Variants in NHLRC2 observed in about 807,000 individuals in gnomAD.
NHLRC2 encodes NHL repeat containing 2.
In NHLRC2, 33 loss-of-function variants were observed where a neutral mutation model predicts 68.1. That is an observed-to-expected ratio of 0.48 (90% CI 0.37 to 0.65). The LOEUF (loss-of-function observed/expected upper bound fraction) is 0.65. Among genes scored for constraint, NHLRC2 ranks in the 30% least tolerant of loss-of-function variants. The pLI is 0.00. For synonymous variants in NHLRC2, 311 were observed against 309.6 expected (o/e 1.00, Z -0.05); for missense variants, 761 against 853.8 (o/e 0.89, Z 1.35).
Position 113,912,892 on chromosome 10 carries a change from C to T in NHLRC2, c.*4356C>T, listed in dbSNP as rs1363183955. On this transcript the variant is annotated 3_prime_UTR_variant, in exon 11 of 11. Transcript: ENST00000369301. The stretch of plus-strand genomic sequence containing the variant: ...TATTCAGGCACGGGTCTCCTCATTC[C>T]TAACTCCAAGATGCAGAGGGAAAAC... The T allele has an allele frequency of 6.6e-6, 1 of 152,164 alleles. No homozygotes were observed. Among genetic ancestry groups the T allele is most frequent in the East Asian group, 1.9e-4 (1 of 5,192 alleles). 9.4% of individuals were successfully genotyped at this position (152,164 alleles called of 1,614,324 possible). A position where few individuals can be genotyped will look rare whatever the true frequency, so the allele number is the denominator to read the frequency against.
At chr10:113,870,411 AC>A (rs1329670740) in intron 2 of NHLRC2, among the ~76,000 whole-genome samples, 29 of 151,880 alleles carry the variant, frequency 1.9e-4, no homozygotes, top group African/African-American at 6.5e-4. Flanking sequence ...ATTTTTATAC[AC>A]TCGCTTTTTT....
chr10:113,879,434 T>C, intron 3 of NHLRC2, 140 bp from the exon 4 acceptor site: 1 of 688,044 alleles, frequency 1.5e-6, no homozygotes, highest in Non-Finnish European at 2.4e-6. Flanking sequence ...AGAAAAATGT[T>C]CCTTGGGGAA....
intron 2 of NHLRC2, among the ~76,000 whole-genome samples, chr10:113,860,091 A>C (rs1453254806): frequency 6.6e-6 from 1 of 152,238 alleles, no homozygotes; most frequent in Non-Finnish European, 1.5e-5. Flanking sequence ...ACATTGTGAA[A>C]TGCATTGTAT....
chr10:113,910,647 T>C lies in NHLRC2; in HGVS notation c.*2111T>C, dbSNP rs1360524650. 6.6e-6 allele frequency: 1 copy of C among 152,246 alleles called. No homozygotes were observed. Among genetic ancestry groups the C allele is most frequent in the Non-Finnish European group, 1.5e-5 (1 of 68,040 alleles). The allele number at this position is 152,246 out of a possible 1,614,324, so 9.4% of individuals were successfully genotyped here. A position where few individuals can be genotyped will look rare whatever the true frequency, so the allele number is the denominator to read the frequency against. ...AAATGAAGTATATACAATTTTAATT[T>C]ACTAATTTAGAAATATCTGAGTTTA... On this transcript the variant is annotated 3_prime_UTR_variant, in exon 11 of 11. Coordinates refer to ENST00000369301, the MANE Select transcript of NHLRC2 (RefSeq NM_198514.4).
chr10:113,858,539 C>G lies in NHLRC2; in HGVS notation c.190C>G (p.Leu64Val). The change falls in exon 2 of 11, where the codon CTG becomes GTG. Residue 64 changes from leucine to valine, a missense_variant. By Grantham distance (32) the Leu-to-Val change is conservative. Coordinates refer to ENST00000369301, the MANE Select transcript of NHLRC2 (RefSeq NM_198514.4). ...TATGTAAATTTCAGGATTAGAATGGCTGAACACAGAAGAACCTATTTCTGT... is the reference window on the plus strand; with the variant it reads ...TATGTAAATTTCAGGATTAGAATGGGTGAACACAGAAGAACCTATTTCTGT... ...VPEFPEGLEWLNTEEPISVYK... is the reference protein window; with the variant it reads ...VPEFPEGLEWVNTEEPISVYK... 2 of 1,602,382 alleles carry G rather than the reference C, an allele frequency of 1.2e-6. No homozygotes were observed. Among genetic ancestry groups the G allele is most frequent in the Non-Finnish European group, 1.7e-6 (2 of 1,171,186 alleles).
chr10:113,901,533 G>C (rs1846228925), intron 6 of NHLRC2, 133 bp from the exon 7 acceptor site: 1 of 646,066 alleles, frequency 1.5e-6, no homozygotes, highest in African/African-American at 1.8e-5. Flanking sequence ...AATTTAACTA[G>C]ACCAAGATCA....
At chr10:113,878,564 G>A (rs1016843733) in intron 3 of NHLRC2, among the ~76,000 whole-genome samples, 1 of 152,092 alleles carries the variant, frequency 6.6e-6, no homozygotes, top group Admixed American at 6.6e-5. Context: ...GTCTCACTCT[G>A]TTGCCCAGGC....
chr10:113,884,995 G>C (rs2134717015), intron 5 of NHLRC2, among the ~76,000 whole-genome samples: 1 of 151,604 alleles, frequency 6.6e-6, no homozygotes, highest in Middle Eastern at 3.4e-3. Flanking sequence ...ATTTTTTATT[G>C]GCTCTCAGTG....
In NHLRC2 at chr10:113,910,058, G is replaced by C. The variant is rs577528852; in HGVS notation, c.*1522G>C. 2 of 152,136 alleles carry C rather than the reference G, an allele frequency of 1.3e-5. No individual in the cohort carries two copies. Among genetic ancestry groups the C allele is most frequent in the East Asian group, 3.9e-4 (2 of 5,186 alleles). The allele number at this position is 152,136 out of a possible 1,614,324, so 9.4% of individuals were successfully genotyped here. A position where few individuals can be genotyped will look rare whatever the true frequency, so the allele number is the denominator to read the frequency against. On this transcript the variant is annotated 3_prime_UTR_variant, in exon 11 of 11. Transcript: ENST00000369301. ...GAAGCTACTTTTAAAGAGAAATATA[G>C]ATATAAAATTAAAAGGAATCCTGTT...
chr10:113,865,379 G>A (rs1021723471), intron 2 of NHLRC2, among the ~76,000 whole-genome samples: 5 of 150,066 alleles, frequency 3.3e-5, no homozygotes, highest in African/African-American at 1.2e-4. Context: ...TTAATGTGGT[G>A]GAGAATACTG....
intron 1 of NHLRC2, among the ~76,000 whole-genome samples, chr10:113,855,952 A>G (rs1419402802): frequency 6.6e-6 from 1 of 152,196 alleles, no homozygotes; most frequent in African/African-American, 2.4e-5. Context: ...TCACATGCCC[A>G]GGGCCTCACA....
intron 10 of NHLRC2, 30 bp from the exon 11 acceptor site, chr10:113,908,250 A>C (rs1403104879): frequency 6.4e-7 from 1 of 1,561,920 alleles, no homozygotes; most frequent in Non-Finnish European, 8.8e-7. Context: ...TATCTTATAC[A>C]GTCTTAATAA....
Position 113,858,553 on chromosome 10 carries a change from A to T in NHLRC2, c.204A>T (p.Glu68Asp), listed in dbSNP as rs757839931. 1 of 1,607,468 alleles carries T rather than the reference A, an allele frequency of 6.2e-7. No individual in the cohort carries two copies. Among genetic ancestry groups the T allele is most frequent in the East Asian group, 2.2e-5 (1 of 44,820 alleles). ...GATTAGAATGGCTGAACACAGAAGAACCTATTTCTGTCTACAAGGATCTAT... is the reference window on the plus strand; with the variant it reads ...GATTAGAATGGCTGAACACAGAAGATCCTATTTCTGTCTACAAGGATCTAT... ...PEGLEWLNTE[E>D]PISVYKDLCG... Residue 68 changes from glutamate (E) to aspartate (D), a missense_variant, in exon 2 of 11, where the codon GAA becomes GAT. By Grantham distance (45) the Glu-to-Asp change is conservative. Coordinates refer to ENST00000369301, the MANE Select transcript of NHLRC2 (RefSeq NM_198514.4).
intron 3 of NHLRC2, among the ~76,000 whole-genome samples, chr10:113,879,139 T>G (rs1015561140): frequency 1.3e-5 from 2 of 152,088 alleles, no homozygotes; most frequent in Non-Finnish European, 2.9e-5. Flanking sequence ...CTCCTGAGAG[T>G]CTTCAGTGGT....
intron 6 of NHLRC2, among the ~76,000 whole-genome samples, chr10:113,900,234 G>A (rs1846216176): frequency 6.6e-6 from 1 of 152,184 alleles, no homozygotes; most frequent in Non-Finnish European, 1.5e-5. Context: ...CACTCAGAGT[G>A]GAACAAGACT....
At chr10:113,903,363 A>G (rs1159935683) in intron 8 of NHLRC2, among the ~76,000 whole-genome samples, 164 bp from the exon 9 acceptor site, 7 of 152,184 alleles carry the variant, frequency 4.6e-5, no homozygotes, top group Non-Finnish European at 1.0e-4. Context: ...TGCAATTTGA[A>G]TGTTTGGCTT....
chr10:113,897,500 G>A (rs1363116134), intron 5 of NHLRC2, among the ~76,000 whole-genome samples: 1 of 152,208 alleles, frequency 6.6e-6, no homozygotes, highest in African/African-American at 2.4e-5. Flanking sequence ...ACATTTGAGT[G>A]ATATTGCCTC....
intron 4 of NHLRC2, 69 bp from the exon 5 acceptor site, chr10:113,884,182 C>T: frequency 1.4e-6 from 2 of 1,458,268 alleles, no homozygotes; most frequent in Admixed American, 3.7e-5. Flanking sequence ...TATTGAAAAT[C>T]TTTACACAGC....
chr10:113,871,600 A>G (rs976604358), intron 2 of NHLRC2, among the ~76,000 whole-genome samples: 5 of 152,204 alleles, frequency 3.3e-5, no homozygotes, highest in African/African-American at 4.8e-5. Context: ...TTCTGTTTTT[A>G]TACCAGTTTC....
Sources: gnomAD v4.1 joint callset for allele counts (sites outside exome capture counted in the v4.1 genomes callset) on GRCh38, gnomAD v4.1.1 for gene constraint, MANE v1.5 for transcripts, NCBI Gene and HGNC (gene_info 2026-07-23, HGNC 2026-07-21) for gene names.